ATP6V1H: variants seen among roughly 807,000 people sequenced by gnomAD.
The protein encoded by ATP6V1H is ATPase H+ transporting V1 subunit H.
ATP6V1H carries 39 observed loss-of-function variants against 71.7 expected under a neutral mutation model. That is an observed-to-expected ratio of 0.54 (90% CI 0.42 to 0.71). The LOEUF is 0.71. Ranked by LOEUF, ATP6V1H falls within the 30% of genes least tolerant of loss-of-function variation. The pLI, the probability that ATP6V1H is intolerant of heterozygous loss-of-function variation, is 0.00. For synonymous variants in ATP6V1H, 192 were observed against 199.3 expected, an observed-to-expected ratio of 0.96 and a Z score of 0.31; for missense variants, 509 against 594.9, an observed-to-expected ratio of 0.86 and a Z score of 1.50.
At chr8:53,779,595 A>G (rs1030009649) in intron 9 of ATP6V1H, among the ~76,000 whole-genome samples, 11 of 151,486 alleles carry the variant, frequency 7.3e-5, no homozygotes, top group Non-Finnish European at 2.9e-5. Flanking sequence ...TCTGTTTCAG[A>G]ACACCTGTTA....
chr8:53,752,592 C>G (rs1206159711), intron 12 of ATP6V1H, among the ~76,000 whole-genome samples: 1 of 152,190 alleles, frequency 6.6e-6, no homozygotes, highest in Middle Eastern at 3.4e-3. Context: ...TGCTCTGTTG[C>G]CAGGCTGGAG....
rs1294679477 is a variant in ATP6V1H at position 53,776,796 on chromosome 8, T to C, written c.871-4629A>G. Among the ~76,000 whole-genome samples, 5 of 152,244 alleles carry C rather than the reference T, an allele frequency of 3.3e-5. No homozygotes were observed. In the East Asian group the frequency reaches 9.7e-4, roughly 29 times the overall value. On this transcript the variant is annotated intron_variant, in intron 9 of 13. Coordinates refer to ENST00000359530, the MANE Select transcript of ATP6V1H (RefSeq NM_015941.4). Reference sequence around the variant, plus strand: ...AAAGATTTAAAGTAAACATTACGACTATGACCAAAGAAAAAAACGGTACCA... The same window carrying C: ...AAAGATTTAAAGTAAACATTACGACCATGACCAAAGAAAAAAACGGTACCA...
chr8:53,715,948 A>T lies in ATP6V1H; in HGVS notation c.*16T>A, dbSNP rs369910834. 1.3e-4 allele frequency: 201 copies of T among 1,606,572 alleles called. No individual in the cohort carries two copies. In the African/African-American group the frequency reaches 2.4e-3, roughly 19 times the overall value. On this transcript the variant is annotated 3_prime_UTR_variant, in exon 14 of 14. Coordinates refer to ENST00000359530, the MANE Select transcript of ATP6V1H (RefSeq NM_015941.4). The stretch of plus-strand genomic sequence containing the variant: ...CTGGTTCTGCATTGAGGCGGAGGGG[A>T]AGGCCAGAGGCAGGCTTAGCTTCGG...
intron 13 of ATP6V1H, among the ~76,000 whole-genome samples, chr8:53,738,601 T>C (rs1807310222): frequency 6.6e-6 from 1 of 152,224 alleles, no homozygotes; most frequent in Non-Finnish European, 1.5e-5. Flanking sequence ...TGTGCACCTA[T>C]GTGTGAAACC....
At chr8:53,783,473 T>C (rs948296684) in intron 9 of ATP6V1H, among the ~76,000 whole-genome samples, 4 of 152,216 alleles carry the variant, frequency 2.6e-5, no homozygotes, top group Admixed American at 1.3e-4. Context: ...ATCAATTTGT[T>C]GATCTTTTCA....
intron 13 of ATP6V1H, among the ~76,000 whole-genome samples, chr8:53,742,700 C>T (rs1287207272): frequency 6.6e-6 from 1 of 152,214 alleles, no homozygotes; most frequent in Non-Finnish European, 1.5e-5. Flanking sequence ...CATGATACCA[C>T]AGCAGTACTC....
intron 13 of ATP6V1H, among the ~76,000 whole-genome samples, chr8:53,733,668 G>A (rs1483267695): frequency 6.6e-6 from 1 of 152,210 alleles, no homozygotes; most frequent in Non-Finnish European, 1.5e-5. Context: ...CAGACAGCAG[G>A]TGAGAAAATT....
intron 4 of ATP6V1H, among the ~76,000 whole-genome samples, chr8:53,822,919 C>A (rs1810706263): frequency 6.6e-6 from 1 of 152,042 alleles, no homozygotes; most frequent in Admixed American, 6.6e-5. Context: ...ATAAATGCCA[C>A]AATTCACTGT....
chr8:53,786,600 C>T (rs925195515), intron 9 of ATP6V1H, among the ~76,000 whole-genome samples: 6 of 152,164 alleles, frequency 3.9e-5, no homozygotes, highest in South Asian at 2.1e-4. Flanking sequence ...AGAAATCACC[C>T]GTCTTCTGTG....
At chr8:53,766,228 A>T (rs1280159744) in intron 11 of ATP6V1H, among the ~76,000 whole-genome samples, 5 of 152,326 alleles carry the variant, frequency 3.3e-5, no homozygotes, top group African/African-American at 1.2e-4. Context: ...CCCCAAATTA[A>T]TACTTTTGTA....
intron 9 of ATP6V1H, among the ~76,000 whole-genome samples, chr8:53,785,626 G>A (rs570444750): frequency 6.6e-6 from 1 of 152,268 alleles, no homozygotes; most frequent in East Asian, 1.9e-4. Context: ...GAGTTTTAGA[G>A]TTTCTGGTTT....
chr8:53,795,754 G>A lies in ATP6V1H; in HGVS notation c.763C>T (p.Gln255Ter), dbSNP rs1333107588. ...TAGCGCCGCAGGTGTTCACACATTT[G>A]AGGACTGAATGCCAGGAGCCATATT... The part of the protein sequence containing the change: ...FSIWLLAFSP[Q>*]MCEHLRRYNI... The change falls in exon 9 of 14, where the codon CAA becomes TAA. Residue 255 changes from glutamine to a stop codon, truncating the protein, a stop_gained. Transcript: ENST00000359530. LOFTEE classifies it high-confidence loss of function. The A allele has an allele frequency of 6.2e-7, 1 of 1,614,064 alleles. No individual in the cohort carries two copies. The highest frequency in any genetic ancestry group is 2.2e-5 in the East Asian group (1 of 44,876).
At chr8:53,758,544 G>A (rs758991715) in intron 11 of ATP6V1H, among the ~76,000 whole-genome samples, 13 of 152,158 alleles carry the variant, frequency 8.5e-5, no homozygotes, top group Admixed American at 2.0e-4. Context: ...CTTGGCAAAC[G>A]ACTTAGGAAG....
chr8:53,785,473 A>G (rs1035462228), intron 9 of ATP6V1H, among the ~76,000 whole-genome samples: 3 of 151,960 alleles, frequency 2.0e-5, no homozygotes, highest in Admixed American at 6.5e-5. Flanking sequence ...CTTCTTTACC[A>G]TTGGTTTGAA....
At chr8:53,736,440 G>T (rs925847792) in intron 13 of ATP6V1H, among the ~76,000 whole-genome samples, 1 of 152,050 alleles carries the variant, frequency 6.6e-6, no homozygotes, top group East Asian at 1.9e-4. Flanking sequence ...TTCTTTCCCC[G>T]AACAGACGCC....
intron 9 of ATP6V1H, among the ~76,000 whole-genome samples, chr8:53,783,197 T>C (rs1339538409): frequency 1.3e-5 from 2 of 152,140 alleles, no homozygotes; most frequent in African/African-American, 4.8e-5. Flanking sequence ...TGGTAAGCTA[T>C]TAATTATTGC....
intron 10 of ATP6V1H, among the ~76,000 whole-genome samples, chr8:53,771,371 G>A (rs1480748347): frequency 6.6e-6 from 1 of 152,076 alleles, no homozygotes; most frequent in African/African-American, 2.4e-5. Flanking sequence ...TATTATGTAC[G>A]AAACAGAAAA....
intron 13 of ATP6V1H, 137 bp from the exon 14 acceptor site, chr8:53,716,161 A>C: frequency 3.0e-6 from 2 of 660,020 alleles, no homozygotes; most frequent in Non-Finnish European, 5.0e-6. Context: ...AGAAAATTAA[A>C]CTTTTCCAAA....
chr8:53,789,417 A>T (rs1730011740), intron 9 of ATP6V1H, among the ~76,000 whole-genome samples: 1 of 152,190 alleles, frequency 6.6e-6, no homozygotes. Flanking sequence ...TCACACCTGT[A>T]ATCCCAGCAC....
Sources: allele counts gnomAD v4.1 joint callset (sites outside exome capture counted in the v4.1 genomes callset), GRCh38; gene constraint gnomAD v4.1.1; transcripts MANE v1.5; gene names NCBI Gene and HGNC (gene_info 2026-07-23, HGNC 2026-07-21).